The following MAGI1 variants were observed in gnomAD, a reference collection of about 807,000 sequenced individuals.
MAGI1 encodes membrane-associated guanylate kinase, WW and PDZ domain-containing protein 1.
Under a neutral mutation model 139.9 loss-of-function variants are expected in MAGI1, and 58 were observed. The ratio of observed to expected loss-of-function variants is 0.41; its 90% CI spans 0.34 to 0.52. MAGI1 has a LOEUF of 0.52. Among genes scored for constraint, MAGI1 ranks in the 20% least tolerant of loss-of-function variants. The pLI is 0.12. For synonymous variants in MAGI1, 812 were observed against 737.9 expected, an observed-to-expected ratio of 1.10 and a Z score of -1.63; for missense variants, 1,874 against 1,901.6, an observed-to-expected ratio of 0.99 and a Z score of 0.27.
intron 5 of MAGI1, 35 bp from the exon 6 acceptor site, chr3:65,453,375 G>GAAA: frequency 9.1e-5 from 76 of 838,220 alleles, no homozygotes; most frequent in South Asian, 1.4e-4. Flanking sequence ...AAATTTGTTT[G>GAAA]AAAAAAAAAA....
intron 1 of MAGI1, among the ~76,000 whole-genome samples, chr3:65,843,446 T>C (rs1016592266): frequency 3.9e-5 from 6 of 152,164 alleles, no homozygotes; most frequent in African/African-American, 4.8e-5. Flanking sequence ...TACTGACCCA[T>C]AGAAACAAGG....
intron 2 of MAGI1, among the ~76,000 whole-genome samples, chr3:65,552,336 A>G (rs2079880744): frequency 6.6e-6 from 1 of 152,062 alleles, no homozygotes; most frequent in Non-Finnish European, 1.5e-5. Context: ...GCCAAATCTT[A>G]TAAGCTTCAG....
intron 13 of MAGI1, among the ~76,000 whole-genome samples, chr3:65,393,655 C>G (rs1944118729): frequency 6.6e-6 from 1 of 152,126 alleles, no homozygotes; most frequent in Admixed American, 6.5e-5. Context: ...GAGTGGCATG[C>G]CTCCCTTCAA....
At chr3:65,405,155 G>A (rs369249933) in intron 12 of MAGI1, among the ~76,000 whole-genome samples, 3 of 152,306 alleles carry the variant, frequency 2.0e-5, no homozygotes, top group East Asian at 1.9e-4. Context: ...TGTTCAAAGT[G>A]TGATCTGCAG....
At chr3:65,844,253 G>GCACC (rs1241999306) in intron 1 of MAGI1, 1 of 448,748 alleles carries the variant, frequency 2.2e-6, no homozygotes, top group East Asian at 5.9e-5. Flanking sequence ...GGTGAACAAA[G>GCACC]CACCTAAGAT....
At chr3:65,385,553 CT>C (rs1275078400) in intron 14 of MAGI1, among the ~76,000 whole-genome samples, 2 of 152,102 alleles carry the variant, frequency 1.3e-5, no homozygotes, top group African/African-American at 4.8e-5. Context: ...AGAGATGTCC[CT>C]TTTTAGTGAT....
intron 2 of MAGI1, among the ~76,000 whole-genome samples, chr3:65,605,604 C>G (rs535060564): frequency 6.6e-6 from 1 of 152,122 alleles, no homozygotes; most frequent in Non-Finnish European, 1.5e-5. Flanking sequence ...CCAGACCCTT[C>G]TAGAGTGTCT....
chr3:65,772,121 G>T (rs1039034586), intron 1 of MAGI1, among the ~76,000 whole-genome samples: 114 of 152,214 alleles, frequency 7.5e-4, no homozygotes, highest in African/African-American at 2.5e-3. Context: ...GTTTGAACCT[G>T]GGAGGCGGAG....
At chr3:65,401,305 C>G in intron 13 of MAGI1, 134 bp downstream of exon 13, 1 of 1,107,718 alleles carries the variant, frequency 9.0e-7, no homozygotes. Context: ...AGAAAATGAG[C>G]CCCGGCTCCT....
intron 1 of MAGI1, among the ~76,000 whole-genome samples, chr3:65,663,639 A>G (rs924950377): frequency 3.9e-5 from 6 of 152,188 alleles, no homozygotes; most frequent in Admixed American, 6.5e-5. Context: ...GCCAGGGTTC[A>G]GGACAGTGAG....
At chr3:65,490,396 C>T (rs1208035657) in intron 3 of MAGI1, among the ~76,000 whole-genome samples, 1 of 152,210 alleles carries the variant, frequency 6.6e-6, no homozygotes, top group African/African-American at 2.4e-5. Flanking sequence ...CAGCCACCAT[C>T]AGGGGACTTG....
chr3:66,016,855 T>C (rs1394198232), intron 1 of MAGI1, among the ~76,000 whole-genome samples: 1 of 152,182 alleles, frequency 6.6e-6, no homozygotes, highest in Non-Finnish European at 1.5e-5. Context: ...CGTGGATGAA[T>C]CTTGAGGACA....
intron 22 of MAGI1, chr3:65,359,319 G>A (rs535683072): frequency 3.2e-4 from 451 of 1,427,310 alleles, no homozygotes; most frequent in Non-Finnish European, 4.0e-4. Context: ...ACAGTCTAAG[G>A]CAACACTCAA....
chr3:65,353,705 A>G lies in MAGI1; in HGVS notation c.*2673T>C, dbSNP rs1226410559. On this transcript the variant is annotated 3_prime_UTR_variant, in exon 23 of 23. Transcript: ENST00000402939. ...CCTAAATCGTTTGATTTCATCATAC[A>G]AAATACTCATCCATTATCTCTCATC... 6.6e-6 allele frequency: 1 copy of G among 152,220 alleles called. No individual in the cohort carries two copies. The highest frequency in any genetic ancestry group is 1.5e-5 in the Non-Finnish European group (1 of 68,040). 9.4% of individuals were successfully genotyped at this position (152,220 alleles called of 1,614,324 possible). A position where few individuals can be genotyped will look rare whatever the true frequency, so the allele number is the denominator to read the frequency against.
intron 2 of MAGI1, among the ~76,000 whole-genome samples, chr3:65,588,347 G>T (rs2081794772): frequency 6.6e-6 from 1 of 152,152 alleles, no homozygotes; most frequent in African/African-American, 2.4e-5. Context: ...TGGAGCGTTT[G>T]CATTCAAAGG....
At chr3:65,367,639 C>T (rs928004833) in intron 18 of MAGI1, among the ~76,000 whole-genome samples, 1 of 151,964 alleles carries the variant, frequency 6.6e-6, no homozygotes, top group East Asian at 1.9e-4. Flanking sequence ...CAATTATGGC[C>T]CCAGTTTACA....
intron 1 of MAGI1, among the ~76,000 whole-genome samples, chr3:65,668,100 C>G (rs1453533255): frequency 6.6e-6 from 1 of 152,194 alleles, no homozygotes; most frequent in Non-Finnish European, 1.5e-5. Flanking sequence ...CTCATCCTAA[C>G]TCTGTCACTA....
At chr3:65,812,466 T>TCACACACACACACACACA (rs1432887484) in intron 1 of MAGI1, among the ~76,000 whole-genome samples, 22 of 87,660 alleles carry the variant, frequency 2.5e-4, no homozygotes, top group African/African-American at 7.5e-4. Flanking sequence ...TCTCTCTCTC[T>TCACACACACACACACACA]CTCACACACA....
At chr3:65,942,073 C>T (rs2063341474) in intron 1 of MAGI1, among the ~76,000 whole-genome samples, 1 of 152,208 alleles carries the variant, frequency 6.6e-6, no homozygotes, top group Non-Finnish European at 1.5e-5. Context: ...AGGCGTGAGC[C>T]ACCATACCCA....
Sources: allele counts gnomAD v4.1 joint callset (sites outside exome capture counted in the v4.1 genomes callset), GRCh38; gene constraint gnomAD v4.1.1; transcripts MANE v1.5; gene names NCBI Gene and HGNC (gene_info 2026-07-23, HGNC 2026-07-21).